UNCX: variants seen among roughly 807,000 people sequenced by gnomAD.
UNCX encodes UNC homeobox, also known as homeobox protein unc-4 homolog.
Under a neutral mutation model 14.8 loss-of-function variants are expected in UNCX, and 4 were observed. The observed-to-expected ratio is 0.27, with a 90% confidence interval of 0.13 to 0.62. The LOEUF (loss-of-function observed/expected upper bound fraction) is 0.62. Among genes scored for constraint, UNCX ranks in the 20% least tolerant of loss-of-function variants. UNCX has a pLI of 0.86. For missense variants in UNCX, 749 were observed against 786.8 expected, an observed-to-expected ratio of 0.95 and a Z score of 0.58; for synonymous variants, 459 against 395.8, an observed-to-expected ratio of 1.16 and a Z score of -1.90.
chr7:1,233,451 G>A lies in UNCX; in HGVS notation c.275-69G>A. 3 of 1,393,356 alleles carry A rather than the reference G, an allele frequency of 2.2e-6. No individual in the cohort carries two copies. Among genetic ancestry groups the A allele is most frequent in the Admixed American group, 3.0e-5 (1 of 32,976 alleles). The allele number at this position is 1,393,356 out of a possible 1,614,324, so 86.3% of individuals were successfully genotyped here. On this transcript the variant is annotated intron_variant, in intron 1 of 2. Coordinates refer to ENST00000316333, the MANE Select transcript of UNCX (RefSeq NM_001080461.3). This position sits in a 1 kb window ranked among gnomAD's most constrained non-coding sequence, Gnocchi z 5.3. ...CGGATCCAGGCGGCCAGCGGGTAGC[G>A]GGAGGGAGGGGTGGGGGTCGGGCCT...
rs1778671577 is a variant in UNCX at position 1,233,063 on chromosome 7, G to A, written c.46G>A (p.Gly16Ser). 2 of 1,423,542 alleles carry A rather than the reference G, an allele frequency of 1.4e-6. No homozygotes were observed. The highest frequency in any genetic ancestry group is 1.8e-6 in the Non-Finnish European group (2 of 1,086,704). 88.2% of individuals were successfully genotyped at this position (1,423,542 alleles called of 1,614,324 possible). A position where few individuals can be genotyped will look rare whatever the true frequency, so the allele number is the denominator to read the frequency against. ...LLEHPHAQFGGSLGGVVGFPY... is the reference protein window; with the variant it reads ...LLEHPHAQFGSSLGGVVGFPY... The stretch of plus-strand genomic sequence containing the variant: ...GGAACACCCGCATGCCCAGTTCGGG[G>A]GCTCGCTGGGCGGCGTGGTGGGCTT... Residue 16 changes from glycine to serine, a missense_variant, in exon 1 of 3, where the codon GGC becomes AGC. Coordinates refer to ENST00000316333, the MANE Select transcript of UNCX (RefSeq NM_001080461.3). This position sits in a 1 kb window ranked among gnomAD's most constrained non-coding sequence, Gnocchi z 5.3.
chr7:1,234,084 C>T lies in UNCX; in HGVS notation c.450+389C>T, dbSNP rs572641730. On this transcript the variant is annotated intron_variant, in intron 2 of 2. Transcript: ENST00000316333. Reference sequence around the variant, plus strand: ...AGGAGAGAGGGAAGGGGACCCCCCCCCGCCCCCGCACCGCCTCAACCTTCC... The same window carrying T: ...AGGAGAGAGGGAAGGGGACCCCCCCTCGCCCCCGCACCGCCTCAACCTTCC... Among the ~76,000 whole-genome samples, 475 of 152,110 alleles carry T rather than the reference C, an allele frequency of 3.1e-3. 3 individuals are homozygous for T. The highest frequency in any genetic ancestry group is 0.011 in the African/African-American group (450 of 41,504).
At position 1,233,150 on chromosome 7, in the gene UNCX, G is replaced by A; in HGVS notation, c.133G>A (p.Ala45Thr). 3.4e-6 allele frequency: 5 copies of A among 1,463,652 alleles called. No homozygotes were observed. The highest frequency in any genetic ancestry group is 1.3e-5 in the South Asian group (1 of 77,552). 90.7% of individuals were successfully genotyped at this position (1,463,652 alleles called of 1,614,324 possible). A position where few individuals can be genotyped will look rare whatever the true frequency, so the allele number is the denominator to read the frequency against. The change falls in exon 1 of 3, where the codon GCC (alanine) becomes ACC (threonine). Residue 45 changes from alanine (A) to threonine (T), a missense_variant. Coordinates refer to ENST00000316333, the MANE Select transcript of UNCX (RefSeq NM_001080461.3). The surrounding 1 kb of genome is among the most constrained non-coding windows in gnomAD (Gnocchi z 5.3). ...GGCCGGGCACCAGCTGCAGTCGGCC[G>A]CCGCCGCCGCCTCGGTGCCCTTCTC... ...ELAGHQLQSA[A>T]AAASVPFSID...
rs1778682992 is a variant in UNCX, at chr7:1,233,422, C to CCCCG, written c.275-95_275-94insGCCC. ...CTAGGCGGCCGTCTCTGCGCCCCCCCCCCCGGATCCAGGCGGCCAGCGGGT... is the reference window on the plus strand; with the variant it reads ...CTAGGCGGCCGTCTCTGCGCCCCCCCCCCGCCCCGGATCCAGGCGGCCAGCGGGT... On this transcript the variant is annotated intron_variant, in intron 1 of 2. Transcript: ENST00000316333. The surrounding 1 kb of genome is among the most constrained non-coding windows in gnomAD (Gnocchi z 5.3). 1 of 1,378,468 alleles carries CCCCG rather than the reference C, an allele frequency of 7.3e-7. No individual in the cohort carries two copies. The highest frequency in any genetic ancestry group is 1.5e-5 in the African/African-American group (1 of 64,944). The allele number at this position is 1,378,468 out of a possible 1,614,324, so 85.4% of individuals were successfully genotyped here.
In UNCX at chr7:1,233,788, C is replaced by T. The variant is rs145580272; in HGVS notation, c.450+93C>T. ...TTGTTCCAGGTGGCGAGATATCGTC[C>T]CCTTGCCGCGGGCCCGCTTCGCGCT... On this transcript the variant is annotated intron_variant, in intron 2 of 2. Coordinates refer to ENST00000316333, the MANE Select transcript of UNCX (RefSeq NM_001080461.3). This position sits in a 1 kb window ranked among gnomAD's most constrained non-coding sequence, Gnocchi z 5.3. 6,166 of 1,447,488 alleles carry T rather than the reference C, an allele frequency of 4.3e-3. 14 individuals are homozygous for T. Among genetic ancestry groups the T allele is most frequent in the Non-Finnish European group, 5.2e-3 (5,681 of 1,084,884 alleles). The allele number at this position is 1,447,488 out of a possible 1,614,324, so 89.7% of individuals were successfully genotyped here.
Position 1,233,987 on chromosome 7 carries a change from G to C in UNCX, c.450+292G>C, listed in dbSNP as rs558947026. Among the ~76,000 whole-genome samples the C allele has an allele frequency of 5.3e-5, 8 of 152,354 alleles. No individual in the cohort carries two copies. Among genetic ancestry groups the C allele is most frequent in the African/African-American group, 1.9e-4 (8 of 41,582 alleles). On this transcript the variant is annotated intron_variant, in intron 2 of 2. Coordinates refer to ENST00000316333, the MANE Select transcript of UNCX (RefSeq NM_001080461.3). The surrounding 1 kb of genome is among the most constrained non-coding windows in gnomAD (Gnocchi z 5.3). ...CCGGGAAGCGGCGTGGTGGGTTGGC[G>C]GAGGCCGGGCCAAGTGAGGTCTCCA...
chr7:1,233,764 T>C lies in UNCX; in HGVS notation c.450+69T>C. 1 of 1,522,940 alleles carries C rather than the reference T, an allele frequency of 6.6e-7. No homozygotes were observed. Among genetic ancestry groups the C allele is most frequent in the Non-Finnish European group, 8.8e-7 (1 of 1,131,936 alleles). 94.3% of individuals were successfully genotyped at this position (1,522,940 alleles called of 1,614,324 possible). A position where few individuals can be genotyped will look rare whatever the true frequency, so the allele number is the denominator to read the frequency against. ...GGCTCTGGGCGCGCCGGGACGCCTT[T>C]GTTCCAGGTGGCGAGATATCGTCCC... On this transcript the variant is annotated intron_variant, in intron 2 of 2. Transcript: ENST00000316333. This position sits in a 1 kb window ranked among gnomAD's most constrained non-coding sequence, Gnocchi z 5.3.
chr7:1,235,653 G>A (rs1435390834), intron 2 of UNCX, among the ~76,000 whole-genome samples, 179 bp from the exon 3 acceptor site: 1 of 152,250 alleles, frequency 6.6e-6, no homozygotes, highest in Non-Finnish European at 1.5e-5. Context: ...GCGCTCGCTG[G>A]AACCTGCAGC....
Position 1,233,449 on chromosome 7 carries a change from G to T in UNCX, c.275-71G>T. The T allele has an allele frequency of 7.2e-7, 1 of 1,388,692 alleles. No homozygotes were observed. The highest frequency in any genetic ancestry group is 1.6e-5 in the South Asian group (1 of 63,678). The allele number at this position is 1,388,692 out of a possible 1,614,324, so 86.0% of individuals were successfully genotyped here. A position where few individuals can be genotyped will look rare whatever the true frequency, so the allele number is the denominator to read the frequency against. On this transcript the variant is annotated intron_variant, in intron 1 of 2. Transcript: ENST00000316333. The surrounding 1 kb of genome is among the most constrained non-coding windows in gnomAD (Gnocchi z 5.3). The stretch of plus-strand genomic sequence containing the variant: ...CCCGGATCCAGGCGGCCAGCGGGTA[G>T]CGGGAGGGAGGGGTGGGGGTCGGGC...
intron 2 of UNCX, among the ~76,000 whole-genome samples, chr7:1,234,752 A>C (rs1778708232): frequency 1.5e-5 from 1 of 67,484 alleles, no homozygotes. Context: ...ATTCGCACCA[A>C]AAAAAAAAAA....
intron 2 of UNCX, among the ~76,000 whole-genome samples, chr7:1,234,335 C>T (rs1347473507): frequency 6.6e-6 from 1 of 152,118 alleles, no homozygotes; most frequent in African/African-American, 2.4e-5. Flanking sequence ...GACTGTTTTC[C>T]CGTAAATTTG....
chr7:1,234,142 C>T (rs1394297258), intron 2 of UNCX, among the ~76,000 whole-genome samples: 1 of 150,686 alleles, frequency 6.6e-6, no homozygotes, highest in African/African-American at 2.5e-5. Flanking sequence ...CTGGAGCGAA[C>T]GAGTCTGTTT....
At position 1,232,968 on chromosome 7, in the gene UNCX, G is replaced by GGCCCCT. The variant is rs1778669223; in HGVS notation, c.-46_-45insCTGCCC. ...CCCGCCGCTGGCCCGCCCCGGCCCCGGCCCGCGCCCCCGCGCCCCGCCACC... is the reference window on the plus strand; with the variant it reads ...CCCGCCGCTGGCCCGCCCCGGCCCCGGCCCCTGCCCGCGCCCCCGCGCCCCGCCACC... On this transcript the variant is annotated 5_prime_UTR_variant, in exon 1 of 3. Coordinates refer to ENST00000316333, the MANE Select transcript of UNCX (RefSeq NM_001080461.3). The GGCCCCT allele has an allele frequency of 1.1e-6, 1 of 927,866 alleles. No homozygotes were observed. The highest frequency in any genetic ancestry group is 1.8e-5 in the African/African-American group (1 of 54,236). 57.5% of individuals were successfully genotyped at this position (927,866 alleles called of 1,614,324 possible).
In UNCX at chr7:1,233,423, C is replaced by CT. The variant is rs984005257; in HGVS notation, c.275-97_275-96insT. ...TAGGCGGCCGTCTCTGCGCCCCCCC[C>CT]CCCGGATCCAGGCGGCCAGCGGGTA... On this transcript the variant is annotated intron_variant, in intron 1 of 2. Transcript: ENST00000316333. The surrounding 1 kb of genome is among the most constrained non-coding windows in gnomAD (Gnocchi z 5.3). The CT allele has an allele frequency of 1.4e-5, 20 of 1,381,020 alleles. No individual in the cohort carries two copies. Among genetic ancestry groups the CT allele is most frequent in the East Asian group, 2.9e-5 (1 of 34,060 alleles). 85.5% of individuals were successfully genotyped at this position (1,381,020 alleles called of 1,614,324 possible).
Position 1,233,669 on chromosome 7 carries a change from C to T in UNCX, c.424C>T (p.Leu142=), listed in dbSNP as rs1778687278. ...CATGCGCGAGGCGCTGGCGCTGCGC[C>T]TAGACCTGGTCGAGTCCCGAGTTCA... ...VFMREALALR[L]DLVESRVQVW... The change falls in exon 2 of 3, where the codon CTA becomes TTA. Residue 142 remains leucine (L), a synonymous_variant. Transcript: ENST00000316333. The surrounding 1 kb of genome is among the most constrained non-coding windows in gnomAD (Gnocchi z 5.3). 1 of 1,609,494 alleles carries T rather than the reference C, an allele frequency of 6.2e-7. No individual in the cohort carries two copies. The highest frequency in any genetic ancestry group is 8.5e-7 in the Non-Finnish European group (1 of 1,178,002).
Position 1,235,990 on chromosome 7 carries a change from G to A in UNCX, c.609G>A (p.Lys203=). ...AGGAGCTGGAGAAGATGGAGAAGAA[G>A]AAGCGCAAGCACGAGAAGAAGCTGC... is the stretch of plus-strand genomic sequence containing the variant. ...ARKELEKMEK[K]KRKHEKKLLK... is the part of the protein sequence containing the mutation. The change falls in exon 3 of 3, where the codon AAG becomes AAA. Residue 203 remains lysine, a synonymous_variant. Transcript: ENST00000316333. 1.2e-6 allele frequency: 2 copies of A among 1,610,414 alleles called. No individual in the cohort carries two copies. The highest frequency in any genetic ancestry group is 1.7e-6 in the Non-Finnish European group (2 of 1,178,996).
At position 1,233,795 on chromosome 7, in the gene UNCX, C is replaced by A. The variant is rs1007846050; in HGVS notation, c.450+100C>A. ...AGGTGGCGAGATATCGTCCCCTTGCCGCGGGCCCGCTTCGCGCTCGCCTGC... is the reference window on the plus strand; with the variant it reads ...AGGTGGCGAGATATCGTCCCCTTGCAGCGGGCCCGCTTCGCGCTCGCCTGC... On this transcript the variant is annotated intron_variant, in intron 2 of 2. Transcript: ENST00000316333. The surrounding 1 kb of genome is among the most constrained non-coding windows in gnomAD (Gnocchi z 5.3). 73 of 1,410,602 alleles carry A rather than the reference C, an allele frequency of 5.2e-5. No individual in the cohort carries two copies. Among genetic ancestry groups the A allele is most frequent in the South Asian group, 1.4e-5 (1 of 70,432 alleles). 87.4% of individuals were successfully genotyped at this position (1,410,602 alleles called of 1,614,324 possible). A position where few individuals can be genotyped will look rare whatever the true frequency, so the allele number is the denominator to read the frequency against.
rs752128953 is a variant in UNCX, at chr7:1,233,686, C to T, written c.441C>T (p.Ser147=). 1 of 1,600,756 alleles carries T rather than the reference C, an allele frequency of 6.2e-7. No homozygotes were observed. The highest frequency in any genetic ancestry group is 1.7e-5 in the Admixed American group (1 of 59,016). Reference sequence around the variant, plus strand: ...CGCTGCGCCTAGACCTGGTCGAGTCCCGAGTTCAGGTAAAGACCCGGCGTC... The same window carrying T: ...CGCTGCGCCTAGACCTGGTCGAGTCTCGAGTTCAGGTAAAGACCCGGCGTC... ...ALALRLDLVE[S]RVQVWFQNRR... Residue 147 remains serine (S), a synonymous_variant, in exon 2 of 3, where the codon TCC becomes TCT. Transcript: ENST00000316333. This position sits in a 1 kb window ranked among gnomAD's most constrained non-coding sequence, Gnocchi z 5.3.
In UNCX at chr7:1,233,797, C is replaced by G; in HGVS notation, c.450+102C>G. The G allele has an allele frequency of 2.8e-6, 4 of 1,409,078 alleles. No individual in the cohort carries two copies. The Admixed American group carries it at 9.4e-5, about 33-fold the overall frequency. The allele number at this position is 1,409,078 out of a possible 1,614,324, so 87.3% of individuals were successfully genotyped here. A position where few individuals can be genotyped will look rare whatever the true frequency, so the allele number is the denominator to read the frequency against. ...GTGGCGAGATATCGTCCCCTTGCCG[C>G]GGGCCCGCTTCGCGCTCGCCTGCTG... On this transcript the variant is annotated intron_variant, in intron 2 of 2. Coordinates refer to ENST00000316333, the MANE Select transcript of UNCX (RefSeq NM_001080461.3). This position sits in a 1 kb window ranked among gnomAD's most constrained non-coding sequence, Gnocchi z 5.3.
Sources: allele counts gnomAD v4.1 joint callset (sites outside exome capture counted in the v4.1 genomes callset), GRCh38; gene constraint gnomAD v4.1.1; non-coding constraint Gnocchi (gnomAD v3.1); transcripts MANE v1.5; gene names NCBI Gene and HGNC (gene_info 2026-07-23, HGNC 2026-07-21).